SYN3: variants seen among roughly 807,000 people sequenced by gnomAD.
The protein encoded by SYN3 is synapsin III.
SYN3 carries 35 observed loss-of-function variants against 65.8 expected under a neutral mutation model. That is an observed-to-expected ratio of 0.53 (90% CI 0.41 to 0.70). The LOEUF is 0.70. Among genes scored for constraint, SYN3 ranks in the 30% least tolerant of loss-of-function variants. SYN3 has a pLI of 0.00. For missense variants in SYN3, 680 were observed against 749.0 expected, an observed-to-expected ratio of 0.91 and a Z score of 1.08; for synonymous variants, 270 against 292.9, an observed-to-expected ratio of 0.92 and a Z score of 0.80.
intron 6 of SYN3, among the ~76,000 whole-genome samples, chr22:32,790,085 G>A (rs1437036131): frequency 6.6e-6 from 1 of 152,214 alleles, no homozygotes; most frequent in Non-Finnish European, 1.5e-5. Context: ...CTTGTCGAAG[G>A]TCACACAGTT....
intron 7 of SYN3, among the ~76,000 whole-genome samples, chr22:32,550,669 C>T (rs1362065775): frequency 2.0e-5 from 3 of 150,310 alleles, no homozygotes; most frequent in African/African-American, 7.3e-5. Context: ...ATGCATTTTT[C>T]CCTGTGTCTG....
chr22:32,914,205 A>C (rs932672814), intron 4 of SYN3, among the ~76,000 whole-genome samples: 1 of 152,244 alleles, frequency 6.6e-6, no homozygotes, highest in African/African-American at 2.4e-5. Flanking sequence ...AAATGGGATG[A>C]GCATGCTTAG....
chr22:32,995,315 A>C (rs1407435137), intron 2 of SYN3, among the ~76,000 whole-genome samples: 1 of 152,168 alleles, frequency 6.6e-6, no homozygotes, highest in Non-Finnish European at 1.5e-5. Flanking sequence ...GGCCAGATAA[A>C]ATCCAGGACA....
intron 7 of SYN3, among the ~76,000 whole-genome samples, chr22:32,560,013 C>A (rs546044072): frequency 1.3e-5 from 2 of 152,314 alleles, no homozygotes; most frequent in East Asian, 3.9e-4. Flanking sequence ...GGCAAAACGC[C>A]TCCAGTGAGC....
At chr22:32,709,012 A>C (rs1007837288) in intron 6 of SYN3, among the ~76,000 whole-genome samples, 1 of 152,222 alleles carries the variant, frequency 6.6e-6, no homozygotes, top group African/African-American at 2.4e-5. Context: ...AAGTGGGGCC[A>C]GCTCCTGTCT....
intron 2 of SYN3, among the ~76,000 whole-genome samples, chr22:32,990,498 G>A (rs60325564): frequency 2.7e-5 from 4 of 149,952 alleles, no homozygotes; most frequent in Middle Eastern, 3.5e-3. Flanking sequence ...CCACACATTC[G>A]CCCATCCATC....
intron 6 of SYN3, among the ~76,000 whole-genome samples, chr22:32,863,583 G>C (rs2048608094): frequency 6.6e-6 from 1 of 152,120 alleles, no homozygotes; most frequent in Admixed American, 6.5e-5. Context: ...CTGTCAATGG[G>C]CTGGGCTGGC....
At chr22:32,941,181 T>A (rs1401434890) in intron 3 of SYN3, among the ~76,000 whole-genome samples, 4 of 152,322 alleles carry the variant, frequency 2.6e-5, no homozygotes, top group Non-Finnish European at 5.9e-5. Flanking sequence ...TATGGTCAGC[T>A]GGTTGAGAGG....
At chr22:33,034,914 T>C (rs559616697) in intron 1 of SYN3, among the ~76,000 whole-genome samples, 14 of 152,206 alleles carry the variant, frequency 9.2e-5, no homozygotes, top group African/African-American at 2.9e-4. Context: ...CCAAGATCAA[T>C]AGGGTTCTCT....
intron 6 of SYN3, among the ~76,000 whole-genome samples, chr22:32,608,883 C>G (rs1027796166): frequency 1.3e-5 from 2 of 152,150 alleles, no homozygotes; most frequent in South Asian, 2.1e-4. Flanking sequence ...TAAACTGATA[C>G]GCAGTTAAAA....
At chr22:32,596,624 G>A in intron 7 of SYN3, 50 bp downstream of exon 7, 1 of 1,590,524 alleles carries the variant, frequency 6.3e-7, no homozygotes, top group Non-Finnish European at 8.6e-7. Flanking sequence ...CAGGTAGTCT[G>A]GGGAATCTCT....
chr22:32,627,455 C>A (rs2059684579), intron 6 of SYN3, among the ~76,000 whole-genome samples: 1 of 152,100 alleles, frequency 6.6e-6, no homozygotes. Context: ...CAGGTCACAC[C>A]ACACATCTGT....
At chr22:32,669,416 A>C (rs1399558082) in intron 6 of SYN3, among the ~76,000 whole-genome samples, 4 of 152,086 alleles carry the variant, frequency 2.6e-5, no homozygotes, top group African/African-American at 9.7e-5. Context: ...TTTGGTCCCA[A>C]CCTCCAAGTG....
At chr22:32,514,885 G>A (rs1205347288) in intron 13 of SYN3, among the ~76,000 whole-genome samples, 4 of 152,106 alleles carry the variant, frequency 2.6e-5, no homozygotes, top group Admixed American at 1.3e-4. Flanking sequence ...GTGAGGTGGC[G>A]TGCGCCTGTA....
intron 3 of SYN3, among the ~76,000 whole-genome samples, chr22:32,977,011 G>T (rs923424113): frequency 2.0e-5 from 3 of 151,576 alleles, no homozygotes; most frequent in Non-Finnish European, 4.4e-5. Context: ...GGGGTTGCTT[G>T]TGTGTTCCAC....
At chr22:32,927,133 C>T (rs2050495215) in intron 4 of SYN3, among the ~76,000 whole-genome samples, 1 of 152,028 alleles carries the variant, frequency 6.6e-6, no homozygotes, top group Non-Finnish European at 1.5e-5. Context: ...ACCAGCACTG[C>T]TGTATAAGCA....
At chr22:32,852,496 T>G (rs1230999126) in intron 6 of SYN3, among the ~76,000 whole-genome samples, 1 of 152,172 alleles carries the variant, frequency 6.6e-6, no homozygotes, top group African/African-American at 2.4e-5. Flanking sequence ...GTTTTGGCAC[T>G]GGTCCCTGGG....
intron 3 of SYN3, among the ~76,000 whole-genome samples, chr22:32,959,411 T>C (rs1485862024): frequency 6.6e-5 from 10 of 151,818 alleles, no homozygotes; most frequent in African/African-American, 2.2e-4. Context: ...CTAATACAGG[T>C]GTGGTGGTGC....
intron 6 of SYN3, among the ~76,000 whole-genome samples, chr22:32,607,063 A>G (rs944779481): frequency 8.2e-6 from 1 of 122,454 alleles, no homozygotes; most frequent in African/African-American, 3.2e-5. Context: ...TCCTGTGTCC[A>G]TGTCTGCATG....
Sources: gnomAD v4.1 joint callset for allele counts (sites outside exome capture counted in the v4.1 genomes callset) on GRCh38, gnomAD v4.1.1 for gene constraint, MANE v1.5 for transcripts, NCBI Gene and HGNC (gene_info 2026-07-23, HGNC 2026-07-21) for gene names.